The following RPS6KC1 variants were observed in gnomAD, a reference collection of about 807,000 sequenced individuals.
RPS6KC1 encodes the protein inactive ribosomal protein S6 kinase delta-1.
In RPS6KC1, 54 loss-of-function variants were observed where a neutral mutation model predicts 103.8. The observed-to-expected ratio is 0.52, with a 90% CI of 0.42 to 0.65. The LOEUF is 0.65. Among genes scored for constraint, RPS6KC1 ranks in the 30% least tolerant of loss-of-function variants. The probability of loss-of-function intolerance (pLI) is 0.00; values close to 1 mark genes in which losing one functional copy is unlikely to be tolerated. For synonymous variants in RPS6KC1, 439 were observed against 438.7 expected, an observed-to-expected ratio of 1.00 and a Z score of -0.01; for missense variants, 1,151 against 1,253.8, an observed-to-expected ratio of 0.92 and a Z score of 1.24.
intron 8 of RPS6KC1, among the ~76,000 whole-genome samples, chr1:213,217,220 A>G (rs1317373444): frequency 6.6e-6 from 1 of 151,770 alleles, no homozygotes; most frequent in Non-Finnish European, 1.5e-5. Context: ...AATACAAACT[A>G]CCATCAGAGA....
the RPS6KC1 span, among the ~76,000 whole-genome samples, chr1:213,443,549 G>T: frequency 6.6e-6 from 1 of 152,120 alleles, no homozygotes; most frequent in Non-Finnish European, 1.5e-5. Context: ...TGCTGGGCTG[G>T]GTTCTTGGGC....
At chr1:213,754,238 G>A in the RPS6KC1 span, among the ~76,000 whole-genome samples, 6 of 152,222 alleles carry the variant, frequency 3.9e-5, no homozygotes, top group Non-Finnish European at 7.3e-5. Flanking sequence ...GTGGATGGCC[G>A]TCTTCTCTCT....
At chr1:213,132,961 G>T (rs2085814867) in intron 6 of RPS6KC1, among the ~76,000 whole-genome samples, 1 of 152,120 alleles carries the variant, frequency 6.6e-6, no homozygotes. Context: ...TTATTTAACT[G>T]GTATTTGCAC....
At chr1:213,444,568 T>C in the RPS6KC1 span, among the ~76,000 whole-genome samples, 1 of 151,620 alleles carries the variant, frequency 6.6e-6, no homozygotes, top group Non-Finnish European at 1.5e-5. Flanking sequence ...AAAAATGAGG[T>C]TGGTCAGGCT....
chr1:213,484,468 C>T, the RPS6KC1 span, among the ~76,000 whole-genome samples: 2 of 152,208 alleles, frequency 1.3e-5, no homozygotes, highest in Admixed American at 6.5e-5. Flanking sequence ...TGGACCTGTC[C>T]ACAGGGTTGC....
At chr1:213,544,711 AGCCTCCTGACCT>A in the RPS6KC1 span, among the ~76,000 whole-genome samples, 2 of 152,176 alleles carry the variant, frequency 1.3e-5, no homozygotes, top group Admixed American at 1.3e-4. Context: ...CTCTGGTGTC[AGCCTCCTGACCT>A]GCCACTTCTG....
chr1:213,640,192 G>T, the RPS6KC1 span, among the ~76,000 whole-genome samples: 1 of 151,866 alleles, frequency 6.6e-6, no homozygotes, highest in Non-Finnish European at 1.5e-5. Flanking sequence ...CATGCATATA[G>T]TATTCTGTAT....
chr1:213,243,067 C>G (rs561162711), intron 12 of RPS6KC1, among the ~76,000 whole-genome samples: 2 of 152,142 alleles, frequency 1.3e-5, no homozygotes, highest in South Asian at 4.2e-4. Context: ...GCTGTTATGT[C>G]TCACTGCAGC....
chr1:213,312,986 T>C, the RPS6KC1 span, among the ~76,000 whole-genome samples: 1 of 152,240 alleles, frequency 6.6e-6, no homozygotes, highest in Non-Finnish European at 1.5e-5. Context: ...TAACTGCTGT[T>C]TTATTCAATG....
chr1:213,552,909 C>T, the RPS6KC1 span, among the ~76,000 whole-genome samples: 1 of 152,168 alleles, frequency 6.6e-6, no homozygotes, highest in Non-Finnish European at 1.5e-5. Context: ...ACTACTGATC[C>T]ACTGAGGTTT....
chr1:213,320,383 G>A, the RPS6KC1 span, among the ~76,000 whole-genome samples: 7 of 152,206 alleles, frequency 4.6e-5, no homozygotes, highest in African/African-American at 1.7e-4. Flanking sequence ...TTACAGCACT[G>A]CGGGCTTGTT....
chr1:213,051,792 G>A (rs772376689), intron 1 of RPS6KC1, among the ~76,000 whole-genome samples: 2 of 152,202 alleles, frequency 1.3e-5, no homozygotes, highest in Non-Finnish European at 2.9e-5. Context: ...TTCCCATCCC[G>A]TTTGGACTTT....
At chr1:213,292,915 C>T in the RPS6KC1 span, among the ~76,000 whole-genome samples, 2 of 152,172 alleles carry the variant, frequency 1.3e-5, no homozygotes, top group Non-Finnish European at 2.9e-5. Context: ...TAAAATCAGG[C>T]AGACCTCCTC....
chr1:213,468,550 T>C, the RPS6KC1 span, among the ~76,000 whole-genome samples: 5 of 152,110 alleles, frequency 3.3e-5, no homozygotes, highest in Admixed American at 2.0e-4. Flanking sequence ...TTTCCTGAAA[T>C]AGAGAGAGAG....
the RPS6KC1 span, among the ~76,000 whole-genome samples, chr1:213,716,296 C>T: frequency 6.6e-6 from 1 of 152,130 alleles, no homozygotes; most frequent in African/African-American, 2.4e-5. Flanking sequence ...CACAGCTGGC[C>T]TCTGTGGACG....
the RPS6KC1 span, among the ~76,000 whole-genome samples, chr1:213,743,207 T>C: frequency 1.2e-4 from 18 of 152,110 alleles, no homozygotes; most frequent in Non-Finnish European, 2.5e-4. Context: ...TACACAGTCA[T>C]AAAAAAGAAT....
chr1:213,332,994 C>T, the RPS6KC1 span, among the ~76,000 whole-genome samples: 2 of 152,184 alleles, frequency 1.3e-5, no homozygotes, highest in South Asian at 4.1e-4. Flanking sequence ...TGGGACTTCT[C>T]ACCAGGTCTC....
At chr1:213,103,748 T>C (rs2082226424) in intron 3 of RPS6KC1, among the ~76,000 whole-genome samples, 3 of 152,256 alleles carry the variant, frequency 2.0e-5, no homozygotes, top group Non-Finnish European at 4.4e-5. Flanking sequence ...ATATGGCATA[T>C]GATAAATGTC....
At chr1:213,443,658 G>A in the RPS6KC1 span, among the ~76,000 whole-genome samples, 1 of 152,128 alleles carries the variant, frequency 6.6e-6, no homozygotes, top group Non-Finnish European at 1.5e-5. Context: ...ACTCATGCCT[G>A]TAATCATAGC....
Sources: allele counts gnomAD v4.1 joint callset (sites outside exome capture counted in the v4.1 genomes callset), GRCh38; gene constraint gnomAD v4.1.1; transcripts MANE v1.5; gene names NCBI Gene and HGNC (gene_info 2026-07-23, HGNC 2026-07-21).